The following SLC25A42 variants were observed in gnomAD, a reference collection of about 807,000 sequenced individuals.
SLC25A42 encodes mitochondrial coenzyme A transporter SLC25A42.
Under a neutral mutation model 34.7 loss-of-function variants are expected in SLC25A42, and 19 were observed. That is an observed-to-expected ratio of 0.55 (90% CI 0.38 to 0.80). The LOEUF is 0.80. Among genes scored for constraint, SLC25A42 ranks in the 30% least tolerant of loss-of-function variants. The pLI is 0.00. For synonymous variants in SLC25A42, 205 were observed against 191.2 expected, an observed-to-expected ratio of 1.07 and a Z score of -0.59; for missense variants, 364 against 441.3, an observed-to-expected ratio of 0.82 and a Z score of 1.57.
chr19:19,101,641 C>T, intron 2 of SLC25A42, 140 bp from the exon 3 acceptor site: 3 of 688,976 alleles, frequency 4.4e-6, no homozygotes, highest in Non-Finnish European at 7.1e-6. Context: ...TCACCCAGAA[C>T]CAAGCAAGGC....
chr19:19,093,461 A>C (rs899434273), intron 1 of SLC25A42, among the ~76,000 whole-genome samples: 2 of 152,208 alleles, frequency 1.3e-5, no homozygotes, highest in African/African-American at 4.8e-5. Flanking sequence ...GATGGTATTA[A>C]TATTAATGGA....
chr19:19,072,609 C>T (rs562043849), intron 1 of SLC25A42, among the ~76,000 whole-genome samples: 2 of 152,278 alleles, frequency 1.3e-5, no homozygotes, highest in African/African-American at 4.8e-5. Context: ...TCTCAAACTC[C>T]TGACCTCAAG....
Position 19,112,998 on chromosome 19 carries a change from A to G in SLC25A42, c.*2122A>G, listed in dbSNP as rs1467037156. ...CACATTTGTGATAAAAGTTCTGAATAAAAGTCTTGAATAAAGAAGTTTTTA... is the reference window on the plus strand; with the variant it reads ...CACATTTGTGATAAAAGTTCTGAATGAAAGTCTTGAATAAAGAAGTTTTTA... On this transcript the variant is annotated 3_prime_UTR_variant, in exon 8 of 8. Transcript: ENST00000318596. This position sits in a 1 kb window ranked among gnomAD's most constrained non-coding sequence, Gnocchi z 4.3. 6.6e-6 allele frequency: 1 copy of G among 151,718 alleles called. No homozygotes were observed. Among genetic ancestry groups the G allele is most frequent in the Non-Finnish European group, 1.5e-5 (1 of 67,924 alleles). 9.4% of individuals were successfully genotyped at this position (151,718 alleles called of 1,614,324 possible). A position where few individuals can be genotyped will look rare whatever the true frequency, so the allele number is the denominator to read the frequency against.
At position 19,107,940 on chromosome 19, in the gene SLC25A42, G is replaced by A. The variant is rs1341318042; in HGVS notation, c.544G>A (p.Gly182Arg). 5.0e-6 allele frequency: 8 copies of A among 1,613,958 alleles called. No individual in the cohort carries two copies. The highest frequency in any genetic ancestry group is 6.8e-6 in the Non-Finnish European group (8 of 1,179,986). ...CTTCATCCGCATCTCGAGAGAAGAG[G>A]GGCTGAAGACTCTCTACCATGGATT... ...HVFIRISREE[G>R]LKTLYHGFMP... The change falls in exon 7 of 8, where the codon GGG (glycine) becomes AGG (arginine). Residue 182 changes from glycine (G) to arginine (R), a missense_variant. Transcript: ENST00000318596.
intron 1 of SLC25A42, among the ~76,000 whole-genome samples, chr19:19,087,827 G>A (rs1372974745): frequency 6.6e-6 from 1 of 152,250 alleles, no homozygotes; most frequent in Non-Finnish European, 1.5e-5. Context: ...AGGGGAGAGG[G>A]AGAGCTGTGG....
At chr19:19,070,662 C>T (rs1413174717) in intron 1 of SLC25A42, among the ~76,000 whole-genome samples, 1 of 152,198 alleles carries the variant, frequency 6.6e-6, no homozygotes, top group Non-Finnish European at 1.5e-5. Context: ...GTGAACTCAT[C>T]TTAAGATCCT....
At chr19:19,098,228 C>T (rs1316249104) in intron 2 of SLC25A42, among the ~76,000 whole-genome samples, 2 of 152,140 alleles carry the variant, frequency 1.3e-5, no homozygotes, top group African/African-American at 2.4e-5. Context: ...GTGAACTGGC[C>T]CCAACACACG....
At chr19:19,100,296 C>T (rs1336083854) in intron 2 of SLC25A42, among the ~76,000 whole-genome samples, 3 of 152,048 alleles carry the variant, frequency 2.0e-5, no homozygotes, top group Non-Finnish European at 2.9e-5. Context: ...GAGCTGAGAT[C>T]ACACCACTGT....
At chr19:19,082,709 G>A (rs1023485655) in intron 1 of SLC25A42, among the ~76,000 whole-genome samples, 15 of 151,804 alleles carry the variant, frequency 9.9e-5, no homozygotes, top group African/African-American at 3.6e-4. Flanking sequence ...CACCCAGGCT[G>A]GGGTTCAGTG....
At chr19:19,083,555 C>G (rs1173751275) in intron 1 of SLC25A42, among the ~76,000 whole-genome samples, 1 of 152,208 alleles carries the variant, frequency 6.6e-6, no homozygotes, top group African/African-American at 2.4e-5. Context: ...CCTGCCCTGC[C>G]CAGCAGCGTC....
chr19:19,076,308 A>C (rs2059655912), intron 1 of SLC25A42, among the ~76,000 whole-genome samples: 1 of 151,956 alleles, frequency 6.6e-6, no homozygotes, highest in Admixed American at 6.6e-5. Flanking sequence ...ACTAAAAAAA[A>C]AAAATACAAA....
At chr19:19,078,912 C>T (rs758129482) in intron 1 of SLC25A42, among the ~76,000 whole-genome samples, 1 of 151,824 alleles carries the variant, frequency 6.6e-6, no homozygotes, top group Non-Finnish European at 1.5e-5. Context: ...AGTGCAGTGG[C>T]GCGCTCTTGG....
In SLC25A42 at chr19:19,110,724, C is replaced by T. The variant is rs202000540; in HGVS notation, c.805C>T (p.Arg269Cys). The change falls in exon 8 of 8, where the codon CGC becomes TGC. Residue 269 changes from arginine to cysteine, a missense_variant. Arg to Cys is a radical substitution (Grantham distance 180). Coordinates refer to ENST00000318596, the MANE Select transcript of SLC25A42 (RefSeq NM_178526.5). ...GGGCTACCCGCGCGCCTCCATCGCC[C>T]GCACGCTGCGCACCATCGTGCGGGA... ...VTGYPRASIA[R>C]TLRTIVREEG... 6.8e-6 allele frequency: 11 copies of T among 1,607,608 alleles called. No individual in the cohort carries two copies. Among genetic ancestry groups the T allele is most frequent in the South Asian group, 3.3e-5 (3 of 90,532 alleles).
intron 1 of SLC25A42, among the ~76,000 whole-genome samples, chr19:19,080,173 G>A (rs928029756): frequency 8.5e-5 from 13 of 152,188 alleles, no homozygotes; most frequent in African/African-American, 2.9e-4. Flanking sequence ...TGAGGAGGCC[G>A]AGGTCCTGGG....
At chr19:19,068,694 C>T (rs1023744239) in intron 1 of SLC25A42, among the ~76,000 whole-genome samples, 7 of 150,012 alleles carry the variant, frequency 4.7e-5, no homozygotes, top group Admixed American at 6.7e-5. Flanking sequence ...CAAAAATAGC[C>T]GGGTGTGGTG....
chr19:19,076,291 TATCTCTA>T (rs1174416851), intron 1 of SLC25A42, among the ~76,000 whole-genome samples: 1 of 151,022 alleles, frequency 6.6e-6, no homozygotes, highest in Non-Finnish European at 1.5e-5. Context: ...GGTGAAACCC[TATCTCTA>T]CTAAAAAAAA....
chr19:19,104,583 C>T (rs1409812936), intron 3 of SLC25A42, among the ~76,000 whole-genome samples: 1 of 152,208 alleles, frequency 6.6e-6, no homozygotes. Flanking sequence ...CACATGTAGA[C>T]CCCTGCAGGC....
intron 1 of SLC25A42, among the ~76,000 whole-genome samples, chr19:19,064,695 G>A (rs1256677916): frequency 6.7e-6 from 1 of 149,326 alleles, no homozygotes; most frequent in Non-Finnish European, 1.5e-5. Context: ...CTCTGCCCTG[G>A]CAGCCCCACA....
In SLC25A42 at chr19:19,104,741, A is replaced by G. The variant is rs111249769; in HGVS notation, c.188-172A>G. ...CCATCTCAGACACGTTCTCCTCTCA[A>G]TGGAGACCCTCACTATTCTGGGGCT... is the stretch of plus-strand genomic sequence containing the variant. On this transcript the variant is annotated intron_variant, in intron 3 of 7. Transcript: ENST00000318596. Among the ~76,000 whole-genome samples the G allele has an allele frequency of 0.02, 2,975 of 152,214 alleles. 102 individuals are homozygous for G. Among genetic ancestry groups the G allele is most frequent in the African/African-American group, 0.068 (2,840 of 41,530 alleles).
Sources: gnomAD v4.1 joint callset for allele counts (sites outside exome capture counted in the v4.1 genomes callset) on GRCh38, gnomAD v4.1.1 for gene constraint, Gnocchi (gnomAD v3.1) non-coding constraint, MANE v1.5 for transcripts, NCBI Gene and HGNC (gene_info 2026-07-23, HGNC 2026-07-21) for gene names.